KAZN: variants seen among roughly 807,000 people sequenced by gnomAD.
KAZN encodes kazrin.
KAZN carries 40 observed loss-of-function variants against 87.4 expected under a neutral mutation model. The observed-to-expected ratio is 0.46, with a 90% CI of 0.36 to 0.60. The LOEUF (loss-of-function observed/expected upper bound fraction) is 0.60. KAZN is among the 20% of genes least tolerant of loss of function. The probability of loss-of-function intolerance (pLI) is 0.00; values close to 1 mark genes in which losing one functional copy is unlikely to be tolerated. For synonymous variants in KAZN, 466 were observed against 458.3 expected (o/e 1.02, Z -0.22); for missense variants, 898 against 1,073.9 (o/e 0.84, Z 2.29).
intron 2 of KAZN, among the ~76,000 whole-genome samples, chr1:14,487,271 A>G (rs1420398003): frequency 1.3e-5 from 2 of 152,222 alleles, no homozygotes; most frequent in African/African-American, 2.4e-5. Context: ...AGTTTTCCAT[A>G]TAGCTAACTA....
chr1:14,291,919 T>C (rs1051528669), intron 2 of KAZN, among the ~76,000 whole-genome samples: 1 of 152,184 alleles, frequency 6.6e-6, no homozygotes, highest in African/African-American at 2.4e-5. Context: ...TGCTTCTCCT[T>C]CTACCATGAT....
At chr1:14,617,609 G>A (rs770354054) in intron 1 of KAZN, among the ~76,000 whole-genome samples, 11 of 152,176 alleles carry the variant, frequency 7.2e-5, no homozygotes, top group African/African-American at 1.2e-4. Context: ...GTAAATATAC[G>A]TGAATCCCGG....
In KAZN at chr1:14,514,598, TATA is replaced by T. The variant is rs1557770462; in HGVS notation, c.250-84384_250-84382del. ...ATTTTATATATTTTTTTATATTTTA[TATA>T]TATATATATATATATATATATATAT... On this transcript the variant is annotated intron_variant, in intron 2 of 16. Transcript: ENST00000636203. Among the ~76,000 whole-genome samples, 8 of 30,878 alleles carry T rather than the reference TATA, an allele frequency of 2.6e-4. No individual in the cohort carries two copies. The East Asian group carries it at 6.3e-3, about 24-fold the overall frequency. 20.3% of individuals were successfully genotyped at this position (30,878 alleles called of 152,430 possible).
rs141799644 is a variant in KAZN, at chr1:13,962,535, G to A, written c.91+68779G>A. 2.1e-3 allele frequency among the ~76,000 whole-genome samples: 326 copies of A among 152,170 alleles called. 3 individuals carry two copies. The highest frequency in any genetic ancestry group is 7.6e-3 in the African/African-American group (315 of 41,522). ...TCTTGTTTACTTTCCCAACAACCCC[G>A]GGTGATAGGCCTTATGCTACCCATT... On this transcript the variant is annotated intron_variant, in intron 1 of 16. Coordinates refer to the KAZN transcript ENST00000636203.
rs143831066 is a variant in KAZN at position 14,478,198 on chromosome 1, A to G, written c.250-120785A>G. ...GATGGGTGGAGAGATGGATGGATAG[A>G]TGGATGGGTGGATAGATGGATGGAT... On this transcript the variant is annotated intron_variant, in intron 2 of 16. Coordinates refer to the KAZN transcript ENST00000636203. 6.1e-3 allele frequency among the ~76,000 whole-genome samples: 917 copies of G among 150,950 alleles called. 11 individuals carry two copies. The highest frequency in any genetic ancestry group is 0.021 in the African/African-American group (872 of 41,170).
chr1:14,013,320 G>T (rs564481621), intron 1 of KAZN, among the ~76,000 whole-genome samples: 3 of 152,144 alleles, frequency 2.0e-5, no homozygotes, highest in Non-Finnish European at 4.4e-5. Context: ...GTTGTTCCTC[G>T]ATCTAGGTTT....
chr1:14,248,528 A>C (rs1369433699), intron 2 of KAZN, among the ~76,000 whole-genome samples: 4 of 152,232 alleles, frequency 2.6e-5, no homozygotes, highest in Non-Finnish European at 5.9e-5. Flanking sequence ...AGCCCAGTTC[A>C]GAAGCTGGGA....
intron 2 of KAZN, among the ~76,000 whole-genome samples, chr1:14,303,298 CCGTGGTG>C (rs1291801847): frequency 2.0e-5 from 3 of 152,082 alleles, no homozygotes; most frequent in African/African-American, 7.2e-5. Flanking sequence ...GGATGGAGTG[CCGTGGTG>C]AGATCTTGGC....
At chr1:13,897,059 C>T (rs1165003789) in intron 1 of KAZN, among the ~76,000 whole-genome samples, 2 of 152,088 alleles carry the variant, frequency 1.3e-5, no homozygotes, top group Non-Finnish European at 2.9e-5. Flanking sequence ...GCTGTGTGAG[C>T]TTCAAACCAA....
At chr1:14,798,795 C>CT (rs1645914279) in intron 1 of KAZN, among the ~76,000 whole-genome samples, 1 of 151,724 alleles carries the variant, frequency 6.6e-6, no homozygotes, top group Non-Finnish European at 1.5e-5. Context: ...GGGTCTGGCT[C>CT]TGTCACCCAG....
intron 2 of KAZN, among the ~76,000 whole-genome samples, chr1:14,518,571 C>G (rs1303078091): frequency 6.6e-6 from 1 of 152,194 alleles, no homozygotes; most frequent in Non-Finnish European, 1.5e-5. Context: ...AAGAGATGAT[C>G]TGCTCTCGTC....
At chr1:14,438,377 C>T (rs1411300114) in intron 2 of KAZN, among the ~76,000 whole-genome samples, 1 of 152,164 alleles carries the variant, frequency 6.6e-6, no homozygotes, top group Non-Finnish European at 1.5e-5. Context: ...ATAAGCAAGA[C>T]ATATGACATG....
intron 2 of KAZN, chr1:14,221,954 A>G (rs1008900164): frequency 5.3e-5 from 8 of 152,168 alleles, no homozygotes. Flanking sequence ...TGAATAAGAA[A>G]ACAAAGCAGC....
At chr1:14,336,869 A>G (rs1196864388) in intron 2 of KAZN, among the ~76,000 whole-genome samples, 2 of 152,162 alleles carry the variant, frequency 1.3e-5, no homozygotes, top group African/African-American at 2.4e-5. Flanking sequence ...ATGATTTGCA[A>G]ATATTTTCTC....
chr1:14,868,540 G>A (rs1215842779), intron 1 of KAZN, among the ~76,000 whole-genome samples: 2 of 152,064 alleles, frequency 1.3e-5, no homozygotes, highest in Non-Finnish European at 2.9e-5. Flanking sequence ...CCTTCTTGAA[G>A]TGAATGTCTA....
intron 1 of KAZN, among the ~76,000 whole-genome samples, chr1:14,657,249 A>T (rs1638860946): frequency 6.6e-6 from 1 of 151,884 alleles, no homozygotes; most frequent in Admixed American, 6.6e-5. Context: ...ACACCTGGCT[A>T]ATCTTGTATT....
chr1:14,542,691 C>A (rs1672887030), intron 2 of KAZN, among the ~76,000 whole-genome samples: 2 of 152,092 alleles, frequency 1.3e-5, no homozygotes, highest in Non-Finnish European at 2.9e-5. Flanking sequence ...TAGCTTTCAC[C>A]CTCCCTACTC....
At position 14,171,616 on chromosome 1, in the gene KAZN, GTTGT is replaced by G. The variant is rs531839932; in HGVS notation, c.92-8816_92-8813del. On this transcript the variant is annotated intron_variant, in intron 1 of 16. Transcript: ENST00000636203. ...GAATTTGAGATACACGAAAGCAAAGGTTGTTTAACATGCAGAGATAAATTTGGTC... is the reference window on the plus strand; with the variant it reads ...GAATTTGAGATACACGAAAGCAAAGGTTAACATGCAGAGATAAATTTGGTC... Among the ~76,000 whole-genome samples, 1,252 of 152,302 alleles carry G rather than the reference GTTGT, an allele frequency of 8.2e-3. 10 individuals are homozygous for G. Among genetic ancestry groups the G allele is most frequent in the Non-Finnish European group, 0.014 (947 of 68,032 alleles).
intron 1 of KAZN, among the ~76,000 whole-genome samples, chr1:14,169,044 A>G (rs1278969126): frequency 6.6e-6 from 1 of 152,204 alleles, no homozygotes; most frequent in Non-Finnish European, 1.5e-5. Flanking sequence ...TGAGAAATAA[A>G]AGGCATTTGT....
Sources: allele counts gnomAD v4.1 joint callset (sites outside exome capture counted in the v4.1 genomes callset), GRCh38; gene constraint gnomAD v4.1.1; transcripts MANE v1.5; gene names NCBI Gene and HGNC (gene_info 2026-07-23, HGNC 2026-07-21).